Variants in STYXL1 observed in about 807,000 individuals in gnomAD.
STYXL1 encodes the protein serine/threonine/tyrosine-interacting-like protein 1.
STYXL1 carries 32 observed loss-of-function variants against 36.4 expected under a neutral mutation model. That is an observed-to-expected ratio of 0.88 (90% CI 0.66 to 1.18). The LOEUF (loss-of-function observed/expected upper bound fraction) is 1.18. Among genes scored for constraint, STYXL1 ranks in the 50% most tolerant of loss-of-function variants. The pLI, the probability that STYXL1 is intolerant of heterozygous loss-of-function variation, is 0.00. For synonymous variants in STYXL1, 133 were observed against 144.1 expected (o/e 0.92, Z 0.55); for missense variants, 354 against 394.1 (o/e 0.90, Z 0.86).
At chr7:76,025,453 G>T (rs1253129534) in intron 3 of STYXL1, among the ~76,000 whole-genome samples, 1 of 152,174 alleles carries the variant, frequency 6.6e-6, no homozygotes, top group Non-Finnish European at 1.5e-5. Context: ...ATCATGAGGG[G>T]CTCTGAATCG....
At chr7:76,005,184 A>T (rs1585190943) in intron 6 of STYXL1, 75 bp downstream of exon 6, 1 of 942,424 alleles carries the variant, frequency 1.1e-6, no homozygotes, top group Non-Finnish European at 1.3e-6. Context: ...AAAATTAAAA[A>T]AAATAAATAA....
At chr7:76,042,615 G>A (rs1274190485) in intron 1 of STYXL1, among the ~76,000 whole-genome samples, 1 of 151,290 alleles carries the variant, frequency 6.6e-6, no homozygotes, top group East Asian at 1.9e-4. Flanking sequence ...ACCATGTGGC[G>A]AGGCTGGTCT....
At chr7:76,021,733 G>A in intron 4 of STYXL1, 118 bp downstream of exon 4, 1 of 752,762 alleles carries the variant, frequency 1.3e-6, no homozygotes, top group East Asian at 2.5e-5. Flanking sequence ...CGCAAACCCT[G>A]CTGTCTCAGT....
At chr7:76,015,698 CTGAG>C (rs1387207628) in intron 4 of STYXL1, among the ~76,000 whole-genome samples, 2 of 152,164 alleles carry the variant, frequency 1.3e-5, no homozygotes, top group Non-Finnish European at 2.9e-5. Flanking sequence ...ATGGTTAATA[CTGAG>C]TGTCAACTTG....
Position 75,996,439 on chromosome 7 carries a change from C to T in STYXL1, c.*29G>A. The stretch of plus-strand genomic sequence containing the variant: ...CAAAATGCCCCCAGGTGAGGCTCTT[C>T]AGTACCCTTCGGTGGGCCTCGGAGA... On this transcript the variant is annotated 3_prime_UTR_variant, in exon 9 of 9. Transcript: ENST00000359697. 6.2e-7 allele frequency: 1 copy of T among 1,614,120 alleles called. No individual in the cohort carries two copies. Among genetic ancestry groups the T allele is most frequent in the Non-Finnish European group, 8.5e-7 (1 of 1,179,982 alleles).
intron 3 of STYXL1, among the ~76,000 whole-genome samples, chr7:76,027,667 T>C (rs1464849380): frequency 4.0e-5 from 6 of 150,944 alleles, no homozygotes; most frequent in Admixed American, 1.3e-4. Context: ...AAAAAATATA[T>C]AAAAACAACA....
chr7:76,036,868 TC>T (rs1316529434), intron 1 of STYXL1, among the ~76,000 whole-genome samples: 7 of 131,138 alleles, frequency 5.3e-5, no homozygotes, highest in African/African-American at 1.9e-4. Context: ...CACTGCAACC[TC>T]CGCCTCCCGG....
intron 6 of STYXL1, 125 bp from the exon 7 acceptor site, chr7:76,003,980 A>T (rs553606903): frequency 1.3e-6 from 1 of 776,618 alleles, no homozygotes; most frequent in East Asian, 2.7e-5. Flanking sequence ...GGGAATGTGC[A>T]CAGGTAACTC....
chr7:76,019,936 A>G (rs894892409), intron 4 of STYXL1, among the ~76,000 whole-genome samples: 14 of 152,000 alleles, frequency 9.2e-5, no homozygotes, highest in Middle Eastern at 6.8e-3. Flanking sequence ...TCAAAAAAAA[A>G]AAAAAAAAAA....
chr7:76,012,177 G>A (rs1299892997), intron 5 of STYXL1, among the ~76,000 whole-genome samples: 1 of 152,140 alleles, frequency 6.6e-6, no homozygotes, highest in African/African-American at 2.4e-5. Flanking sequence ...TCACTATACT[G>A]CCCAGGCTGG....
chr7:76,000,850 G>C (rs368977921), intron 8 of STYXL1, 40 bp downstream of exon 8: 19 of 1,579,488 alleles, frequency 1.2e-5, no homozygotes, highest in South Asian at 2.2e-5. Flanking sequence ...CACCTCCCAG[G>C]GGGTGGCCGT....
chr7:76,009,237 C>T (rs1003017009), intron 5 of STYXL1, among the ~76,000 whole-genome samples: 2 of 152,000 alleles, frequency 1.3e-5, no homozygotes, highest in Admixed American at 6.6e-5. Context: ...ACTGGGCACA[C>T]TGCCTTCCCC....
intron 8 of STYXL1, among the ~76,000 whole-genome samples, chr7:75,999,537 G>GTA (rs1554565680): frequency 9.3e-6 from 1 of 108,002 alleles, no homozygotes; most frequent in Non-Finnish European, 1.9e-5. Context: ...GTGTGTGTGT[G>GTA]TGTGTGTGTG....
intron 5 of STYXL1, among the ~76,000 whole-genome samples, chr7:76,007,656 C>T (rs1453660855): frequency 6.6e-6 from 1 of 151,910 alleles, no homozygotes; most frequent in African/African-American, 2.4e-5. Context: ...AGTGGCTGCT[C>T]ATGCCTGTGA....
At chr7:76,039,296 G>C (rs140052968) in intron 1 of STYXL1, among the ~76,000 whole-genome samples, 7 of 140,306 alleles carry the variant, frequency 5.0e-5, no homozygotes, top group Non-Finnish European at 1.5e-5. Context: ...GGCTGGTTTC[G>C]AACTCCTGGG....
intron 5 of STYXL1, among the ~76,000 whole-genome samples, chr7:76,007,896 C>CAAAAAAAA (rs34975812): frequency 9.3e-6 from 1 of 107,098 alleles, no homozygotes; most frequent in African/African-American, 3.3e-5. Flanking sequence ...GCCTGTCTCT[C>CAAAAAAAA]AAAAAAAAAA....
intron 1 of STYXL1, among the ~76,000 whole-genome samples, chr7:76,046,392 G>T: frequency 6.7e-6 from 1 of 149,612 alleles, no homozygotes; most frequent in Non-Finnish European, 1.5e-5. Flanking sequence ...TATCACCCAG[G>T]ATGGAGTACA....
At chr7:76,037,457 A>G (rs910158800) in intron 1 of STYXL1, among the ~76,000 whole-genome samples, 2 of 149,992 alleles carry the variant, frequency 1.3e-5, no homozygotes, top group Admixed American at 6.7e-5. Context: ...GCACGTGTCT[A>G]TATTTGGGGA....
At chr7:76,012,659 TG>T (rs1554572533) in intron 5 of STYXL1, among the ~76,000 whole-genome samples, 1 of 152,190 alleles carries the variant, frequency 6.6e-6, no homozygotes, top group Non-Finnish European at 1.5e-5. Flanking sequence ...CCTCCAAAAG[TG>T]CTGGGATTAT....
Sources: allele counts gnomAD v4.1 joint callset (sites outside exome capture counted in the v4.1 genomes callset), GRCh38; gene constraint gnomAD v4.1.1; transcripts MANE v1.5; gene names NCBI Gene and HGNC (gene_info 2026-07-23, HGNC 2026-07-21).